The following ADAM18 variants were observed in gnomAD, a reference collection of about 807,000 sequenced individuals.
ADAM18 encodes ADAM metallopeptidase domain 18, also known as disintegrin and metalloproteinase domain-containing protein 18.
A neutral mutation model predicts 94.4 loss-of-function variants in ADAM18; 117 were observed. The ratio of observed to expected loss-of-function variants is 1.24; its 90% CI spans 1.07 to 1.45. The LOEUF (loss-of-function observed/expected upper bound fraction) is 1.45, where lower values mean the gene tolerates loss of function less well. Ranked by LOEUF, ADAM18 falls within the 40% of genes most tolerant of loss-of-function variation. The pLI, the probability that ADAM18 is intolerant of heterozygous loss-of-function variation, is 0.00. For missense variants in ADAM18, 936 were observed against 880.0 expected, an observed-to-expected ratio of 1.06 and a Z score of -0.81; for synonymous variants, 327 against 291.6, an observed-to-expected ratio of 1.12 and a Z score of -1.24.
chr8:39,622,958 T>G (rs1226760761), intron 6 of ADAM18, among the ~76,000 whole-genome samples: 1 of 152,094 alleles, frequency 6.6e-6, no homozygotes, highest in African/African-American at 2.4e-5. Context: ...TGTCTGAGAT[T>G]TACTCCACCC....
intron 6 of ADAM18, among the ~76,000 whole-genome samples, chr8:39,620,357 C>CAAAAAAAAAAAAAAAAAAAAAAAAAAAA (rs61555393): frequency 3.3e-5 from 3 of 90,566 alleles, no homozygotes; most frequent in African/African-American, 4.4e-5. Context: ...GCAACAAAAG[C>CAAAAAAAAAAAAAAAAAAAAAAAAAAAA]AAAAAAAAAA....
chr8:39,648,418 C>T lies in ADAM18; in HGVS notation c.1121C>T (p.Thr374Ile). 6.2e-7 allele frequency: 1 copy of T among 1,613,072 alleles called. No individual in the cohort carries two copies. The part of the protein sequence containing the change: ...DYRYFVSKFE[T>I]KCLQKLSNLQ... ...AGATATTTTGTTTCAAAATTTGAGA[C>T]TAAATGCCTTCAGAAGCTTTCAAAT... The change falls in exon 12 of 20, where the codon ACT (threonine) becomes ATT (isoleucine). Residue 374 changes from threonine (T) to isoleucine (I), a missense_variant. Coordinates refer to ENST00000265707, the MANE Select transcript of ADAM18 (RefSeq NM_014237.3).
chr8:39,704,710 GGAGT>G, intron 17 of ADAM18, among the ~76,000 whole-genome samples: 1 of 152,152 alleles, frequency 6.6e-6, no homozygotes, highest in East Asian at 1.9e-4. Flanking sequence ...ATGCAGTTAA[GGAGT>G]GACCATTTTT....
chr8:39,617,325 A>G (rs965214593), intron 6 of ADAM18, among the ~76,000 whole-genome samples: 1 of 152,196 alleles, frequency 6.6e-6, no homozygotes, highest in African/African-American at 2.4e-5. Context: ...AATGGCTATT[A>G]CTAAAAAGAA....
chr8:39,689,861 CT>C (rs1462671276), intron 16 of ADAM18, among the ~76,000 whole-genome samples: 5 of 152,122 alleles, frequency 3.3e-5, no homozygotes, highest in African/African-American at 2.4e-5. Flanking sequence ...TTTATGTCAT[CT>C]GTGATTTCTT....
In ADAM18 at chr8:39,692,623, A is replaced by T; in HGVS notation, c.1845A>T (p.Arg615Ser). 1 of 1,606,034 alleles carries T rather than the reference A, an allele frequency of 6.2e-7. No individual in the cohort carries two copies. Among genetic ancestry groups the T allele is most frequent in the Non-Finnish European group, 8.5e-7 (1 of 1,175,522 alleles). The change falls in exon 17 of 20, where the codon AGA (arginine) becomes AGT (serine). Residue 615 changes from arginine (R) to serine (S), a missense_variant. By Grantham distance (110) the Arg-to-Ser change is moderately radical. Transcript: ENST00000265707. ...AGTACTGTGTAAATAAAACCTGCAG[A>T]AAAGTTCATTTAATGGGATATAACT... ...PEMYCVNKTC[R>S]KVHLMGYNCN...
chr8:39,720,871 A>G (rs1346646895), intron 18 of ADAM18, among the ~76,000 whole-genome samples: 2 of 151,616 alleles, frequency 1.3e-5, no homozygotes, highest in East Asian at 3.9e-4. Flanking sequence ...CTTCCCGTGT[A>G]TGCATATATC....
intron 6 of ADAM18, among the ~76,000 whole-genome samples, chr8:39,619,263 G>A (rs899108039): frequency 4.6e-5 from 7 of 152,038 alleles, no homozygotes; most frequent in African/African-American, 1.7e-4. Flanking sequence ...GAAACATGCA[G>A]GTATAAAATC....
chr8:39,636,225 T>C (rs974731764), intron 7 of ADAM18, among the ~76,000 whole-genome samples: 4 of 152,092 alleles, frequency 2.6e-5, no homozygotes, highest in African/African-American at 9.7e-5. Context: ...TCTCACCATG[T>C]TGTCCACGCC....
At chr8:39,711,406 T>C (rs913604620) in intron 18 of ADAM18, among the ~76,000 whole-genome samples, 3 of 151,942 alleles carry the variant, frequency 2.0e-5, no homozygotes, top group Non-Finnish European at 4.4e-5. Flanking sequence ...GGGAACAAAA[T>C]TAATTGACAG....
At chr8:39,703,157 T>C (rs532387756) in intron 17 of ADAM18, among the ~76,000 whole-genome samples, 2 of 152,330 alleles carry the variant, frequency 1.3e-5, no homozygotes, top group South Asian at 4.1e-4. Flanking sequence ...CTGCGATTTC[T>C]TTGAGCAATG....
chr8:39,722,379 A>G (rs1330171153), intron 18 of ADAM18, among the ~76,000 whole-genome samples: 2 of 150,748 alleles, frequency 1.3e-5, no homozygotes, highest in South Asian at 4.2e-4. Flanking sequence ...TTGCAGCAAC[A>G]TGGATGGAAC....
At chr8:39,676,272 T>G (rs1380148879) in intron 14 of ADAM18, among the ~76,000 whole-genome samples, 6 of 152,170 alleles carry the variant, frequency 3.9e-5, no homozygotes, top group Admixed American at 3.9e-4. Context: ...CTAGAGGCAG[T>G]AGGCTTTGTT....
chr8:39,689,412 G>A (rs752503608), intron 16 of ADAM18, among the ~76,000 whole-genome samples: 2 of 152,130 alleles, frequency 1.3e-5, no homozygotes, highest in Admixed American at 6.6e-5. Context: ...TTCTCTATAT[G>A]GCTAGCCATT....
rs1320012914 is a variant in ADAM18, at chr8:39,706,902, C to G, written c.2015C>G (p.Ser672Cys). Residue 672 changes from serine to cysteine, a missense_variant and splice_region_variant, in exon 18 of 20, where the codon TCT (serine) becomes TGT (cysteine). Transcript: ENST00000265707. ...ATTGATGATGGAAATTTTCAGAAAT[C>G]TGGTAAGTGGAAATTTGTTTTCTAA... The part of the protein sequence containing the change: ...GSIDDGNFQK[S>C]GDFYTEKGYN... 1 of 1,553,056 alleles carries G rather than the reference C, an allele frequency of 6.4e-7. No homozygotes were observed. Among genetic ancestry groups the G allele is most frequent in the South Asian group, 1.2e-5 (1 of 86,502 alleles).
At chr8:39,651,928 A>T (rs1820550938) in intron 12 of ADAM18, among the ~76,000 whole-genome samples, 1 of 151,384 alleles carries the variant, frequency 6.6e-6, no homozygotes, top group Admixed American at 6.6e-5. Flanking sequence ...AAAGAGCCCA[A>T]AAATAAATGG....
intron 16 of ADAM18, among the ~76,000 whole-genome samples, chr8:39,686,382 G>C (rs561338144): frequency 3.8e-4 from 58 of 152,266 alleles, no homozygotes; most frequent in African/African-American, 1.3e-3. Flanking sequence ...GCCTGGTTAG[G>C]ACTCATTATC....
At chr8:39,713,095 T>C (rs1403838999) in intron 18 of ADAM18, among the ~76,000 whole-genome samples, 1 of 152,084 alleles carries the variant, frequency 6.6e-6, no homozygotes, top group Non-Finnish European at 1.5e-5. Flanking sequence ...AACAGATATA[T>C]AGACCAATGG....
At chr8:39,698,950 G>C (rs1476660078) in intron 17 of ADAM18, among the ~76,000 whole-genome samples, 1 of 152,044 alleles carries the variant, frequency 6.6e-6, no homozygotes, top group Non-Finnish European at 1.5e-5. Context: ...TTTTGAATTA[G>C]ATTTTAGCTT....
Sources: gnomAD v4.1 joint callset for allele counts (sites outside exome capture counted in the v4.1 genomes callset) on GRCh38, gnomAD v4.1.1 for gene constraint, MANE v1.5 for transcripts, NCBI Gene and HGNC (gene_info 2026-07-23, HGNC 2026-07-21) for gene names.